TSPAN5: variants seen among roughly 807,000 people sequenced by gnomAD.
TSPAN5 encodes tetraspanin 5.
A neutral mutation model predicts 37.1 loss-of-function variants in TSPAN5; 10 were observed. The ratio of observed to expected loss-of-function variants is 0.27; its 90% confidence interval spans 0.17 to 0.46. The LOEUF (loss-of-function observed/expected upper bound fraction) is 0.46. Ranked by LOEUF, TSPAN5 falls within the 20% of genes least tolerant of loss-of-function variation. TSPAN5 has a pLI of 1.00. For missense variants in TSPAN5, 195 were observed against 326.6 expected (o/e 0.60, Z 3.11); for synonymous variants, 110 against 118.9 (o/e 0.93, Z 0.48).
At chr4:98,478,852 G>A in intron 4 of TSPAN5, 42 bp from the exon 5 acceptor site, 1 of 1,605,498 alleles carries the variant, frequency 6.2e-7, no homozygotes, top group Non-Finnish European at 8.5e-7. Context: ...CAACTTGGAG[G>A]CAAGCAGTCA....
chr4:98,605,235 T>C (rs1014081117), intron 1 of TSPAN5, among the ~76,000 whole-genome samples: 1 of 152,188 alleles, frequency 6.6e-6, no homozygotes, highest in African/African-American at 2.4e-5. Flanking sequence ...GAGTCAAACA[T>C]TTTAATATAA....
chr4:98,559,367 C>T lies in TSPAN5; in HGVS notation c.82-51639G>A, dbSNP rs185299730. Among the ~76,000 whole-genome samples the T allele has an allele frequency of 1.5e-3, 229 of 152,012 alleles. 2 individuals carry two copies. Among genetic ancestry groups the T allele is most frequent in the African/African-American group, 5.3e-3 (218 of 41,434 alleles). On this transcript the variant is annotated intron_variant, in intron 1 of 7. Transcript: ENST00000305798. ...ACAGGGTAATGGGGTGATATAATGA[C>T]GGGGAAAAGTTAGTATCTTTATTTA...
intron 1 of TSPAN5, among the ~76,000 whole-genome samples, chr4:98,511,130 G>T (rs1403691908): frequency 1.3e-5 from 2 of 152,036 alleles, no homozygotes; most frequent in Non-Finnish European, 2.9e-5. Context: ...TATATCTGAG[G>T]CATCTTATCT....
chr4:98,477,366 C>T (rs911043595), intron 5 of TSPAN5, among the ~76,000 whole-genome samples: 2 of 152,312 alleles, frequency 1.3e-5, no homozygotes, highest in South Asian at 2.1e-4. Flanking sequence ...CCAAGAGAAA[C>T]AGCTGAGGTG....
At chr4:98,605,939 C>A (rs549680407) in intron 1 of TSPAN5, among the ~76,000 whole-genome samples, 21 of 152,322 alleles carry the variant, frequency 1.4e-4, no homozygotes, top group African/African-American at 4.6e-4. Flanking sequence ...CCAGCTTGTC[C>A]TTGTTACCTG....
At chr4:98,491,175 T>C (rs1365666269) in intron 2 of TSPAN5, among the ~76,000 whole-genome samples, 1 of 152,228 alleles carries the variant, frequency 6.6e-6, no homozygotes, top group African/African-American at 2.4e-5. Context: ...CTCACATAGT[T>C]ATCATTTTTG....
chr4:98,616,941 G>A (rs1026469587), intron 1 of TSPAN5, among the ~76,000 whole-genome samples: 11 of 143,998 alleles, frequency 7.6e-5, no homozygotes, highest in Non-Finnish European at 1.2e-4. Context: ...CTCCCACCTC[G>A]ACCTCCCGAG....
chr4:98,512,652 T>C (rs1753636014), intron 1 of TSPAN5, among the ~76,000 whole-genome samples: 1 of 152,226 alleles, frequency 6.6e-6, no homozygotes, highest in Non-Finnish European at 1.5e-5. Flanking sequence ...CTTTCCTCCC[T>C]ATCTGGTGGT....
At chr4:98,580,637 A>G (rs533132350) in intron 1 of TSPAN5, among the ~76,000 whole-genome samples, 1 of 152,212 alleles carries the variant, frequency 6.6e-6, no homozygotes, top group Non-Finnish European at 1.5e-5. Flanking sequence ...CAAACAATTA[A>G]AAGGAAACTA....
chr4:98,611,964 A>C (rs907392811), intron 1 of TSPAN5, among the ~76,000 whole-genome samples: 4 of 152,226 alleles, frequency 2.6e-5, no homozygotes, highest in African/African-American at 7.2e-5. Flanking sequence ...GTAGGGAACC[A>C]CCACACAACT....
intron 1 of TSPAN5, among the ~76,000 whole-genome samples, chr4:98,635,708 A>C (rs1179000301): frequency 1.3e-5 from 2 of 152,198 alleles, no homozygotes; most frequent in African/African-American, 4.8e-5. Context: ...GAAAAAGCAC[A>C]ACATGCCAGA....
At chr4:98,608,502 G>A (rs978324732) in intron 1 of TSPAN5, among the ~76,000 whole-genome samples, 13 of 152,032 alleles carry the variant, frequency 8.6e-5, no homozygotes, top group Non-Finnish European at 1.3e-4. Flanking sequence ...TTATCTCTCC[G>A]CAATCAGTCA....
chr4:98,500,600 A>C (rs538628941), intron 2 of TSPAN5, among the ~76,000 whole-genome samples: 111 of 152,300 alleles, frequency 7.3e-4, no homozygotes, highest in Non-Finnish European at 5.9e-5. Flanking sequence ...TGGTTTCCCC[A>C]CCTATGAAAT....
At chr4:98,506,645 C>A (rs1753483204) in intron 2 of TSPAN5, among the ~76,000 whole-genome samples, 1 of 152,146 alleles carries the variant, frequency 6.6e-6, no homozygotes, top group Non-Finnish European at 1.5e-5. Context: ...TTTACCACTT[C>A]AAAGGAACTC....
intron 1 of TSPAN5, among the ~76,000 whole-genome samples, chr4:98,554,696 T>C (rs765664812): frequency 6.6e-6 from 1 of 152,126 alleles, no homozygotes; most frequent in African/African-American, 2.4e-5. Context: ...CCTAAAATAT[T>C]CCATTACCAC....
intron 1 of TSPAN5, among the ~76,000 whole-genome samples, chr4:98,627,036 A>C (rs1756621226): frequency 1.3e-5 from 2 of 152,110 alleles, no homozygotes; most frequent in African/African-American, 4.8e-5. Context: ...GAAGCATTGT[A>C]AGAGAGAGCA....
intron 1 of TSPAN5, among the ~76,000 whole-genome samples, chr4:98,638,974 G>A (rs986312621): frequency 1.3e-5 from 2 of 152,216 alleles, no homozygotes; most frequent in African/African-American, 4.8e-5. Context: ...AGCAGTAAGT[G>A]AGAGTAGGTC....
chr4:98,488,144 T>G (rs553954974), intron 2 of TSPAN5, among the ~76,000 whole-genome samples: 39 of 152,206 alleles, frequency 2.6e-4, no homozygotes, highest in Non-Finnish European at 5.0e-4. Flanking sequence ...AGCAGTTTGG[T>G]GATGGGCTGA....
At chr4:98,484,221 CA>C (rs1752911228) in intron 3 of TSPAN5, 1 of 324,662 alleles carries the variant, frequency 3.1e-6, no homozygotes, top group African/African-American at 2.2e-5. Context: ...CCTCTATTTC[CA>C]AAGGTGCAGA....
Sources: allele counts gnomAD v4.1 joint callset (sites outside exome capture counted in the v4.1 genomes callset), GRCh38; gene constraint gnomAD v4.1.1; transcripts MANE v1.5; gene names NCBI Gene and HGNC (gene_info 2026-07-23, HGNC 2026-07-21).